The following VDAC1 variants were observed in gnomAD, a reference collection of about 807,000 sequenced individuals.
The protein encoded by VDAC1 is voltage dependent anion channel 1.
In VDAC1, 10 loss-of-function variants were observed where a neutral mutation model predicts 34.7. The observed-to-expected ratio is 0.29, with a 90% confidence interval of 0.18 to 0.49. VDAC1 has a LOEUF of 0.49. Among genes scored for constraint, VDAC1 ranks in the 20% least tolerant of loss-of-function variants. The probability of loss-of-function intolerance (pLI) is 0.99; values close to 1 mark genes in which losing one functional copy is unlikely to be tolerated. For synonymous variants in VDAC1, 130 were observed against 136.0 expected (o/e 0.96, Z 0.30); for missense variants, 230 against 347.9 (o/e 0.66, Z 2.69).
chr5:134,046,204 T>A, the VDAC1 span, among the ~76,000 whole-genome samples: 1 of 151,852 alleles, frequency 6.6e-6, no homozygotes, highest in Non-Finnish European at 1.5e-5. Flanking sequence ...TTTTTTTCTA[T>A]TTTTTAGTAG....
the VDAC1 span, among the ~76,000 whole-genome samples, chr5:134,026,359 C>T: frequency 2.2e-4 from 33 of 151,870 alleles, no homozygotes; most frequent in African/African-American, 8.0e-4. Context: ...ACTGAAAATA[C>T]AAAAAATTAG....
chr5:133,983,203 G>A (rs1272596999), intron 5 of VDAC1, among the ~76,000 whole-genome samples: 2 of 150,082 alleles, frequency 1.3e-5, no homozygotes, highest in Non-Finnish European at 2.9e-5. Context: ...AGCTGAGATC[G>A]CACCATTGCA....
At chr5:134,005,978 G>A (rs1306538758), upstream of VDAC1, among the ~76,000 whole-genome samples, 1 of 152,212 alleles carries the variant, frequency 6.6e-6, no homozygotes, top group Non-Finnish European at 1.5e-5. Context: ...TACGGAGGAG[G>A]CAATCAGGAC....
chr5:133,990,119 C>T (rs1230429063), intron 5 of VDAC1, among the ~76,000 whole-genome samples: 1 of 152,204 alleles, frequency 6.6e-6, no homozygotes, highest in African/African-American at 2.4e-5. Context: ...TTGAAAAGCA[C>T]CCAGGAATTG....
intron 2 of VDAC1, among the ~76,000 whole-genome samples, chr5:133,992,599 A>G (rs1453208143): frequency 6.6e-6 from 1 of 152,240 alleles, no homozygotes; most frequent in Non-Finnish European, 1.5e-5. Flanking sequence ...TGATAAGAAG[A>G]CACCTGACAG....
upstream of VDAC1, among the ~76,000 whole-genome samples, chr5:134,009,532 C>A (rs1753800736): frequency 6.6e-6 from 1 of 151,898 alleles, no homozygotes; most frequent in Non-Finnish European, 1.5e-5. Context: ...GCTGGGATTA[C>A]AGGTGTGAGC....
chr5:134,009,970 C>G (rs1243085602), upstream of VDAC1, among the ~76,000 whole-genome samples: 2 of 152,204 alleles, frequency 1.3e-5, no homozygotes, highest in African/African-American at 2.4e-5. Context: ...CATGAGCCAC[C>G]AGGCCCAGCC....
chr5:133,996,903 A>G (rs2127000365), intron 1 of VDAC1, among the ~76,000 whole-genome samples: 1 of 151,616 alleles, frequency 6.6e-6, no homozygotes, highest in Non-Finnish European at 1.5e-5. Flanking sequence ...AATGACCTCC[A>G]CTCCCTGCCT....
chr5:134,095,514 A>AATCAATCAATC, the VDAC1 span, among the ~76,000 whole-genome samples: 2 of 147,100 alleles, frequency 1.4e-5, no homozygotes, highest in African/African-American at 5.4e-5. Flanking sequence ...ATAAATAAAT[A>AATCAATCAATC]AATAAATAAA....
chr5:134,063,644 C>T, the VDAC1 span, among the ~76,000 whole-genome samples: 1 of 152,136 alleles, frequency 6.6e-6, no homozygotes, highest in African/African-American at 2.4e-5. Flanking sequence ...CCAGCACCAA[C>T]TGCTAGACAC....
At chr5:134,033,751 G>A in the VDAC1 span, among the ~76,000 whole-genome samples, 2 of 151,746 alleles carry the variant, frequency 1.3e-5, no homozygotes, top group African/African-American at 4.8e-5. Flanking sequence ...CCACCACTTT[G>A]GGAGGCCAAG....
the VDAC1 span, among the ~76,000 whole-genome samples, chr5:134,064,306 T>G: frequency 6.6e-6 from 1 of 152,006 alleles, no homozygotes; most frequent in African/African-American, 2.4e-5. Flanking sequence ...TTTTGTTTTT[T>G]GGGGTTTTTT....
At chr5:134,034,029 A>G in the VDAC1 span, among the ~76,000 whole-genome samples, 1 of 152,110 alleles carries the variant, frequency 6.6e-6, no homozygotes, top group Non-Finnish European at 1.5e-5. Flanking sequence ...ATTAGAAATA[A>G]ATAATAGAAC....
Position 133,999,869 on chromosome 5 carries a change from G to T in VDAC1, c.-7+5026C>A, listed in dbSNP as rs960410255. ...TGCCATCATCTTATGATTCTGCCAAGGAAGAGAGTACTATGGAAAAGTCTC... is the reference window on the plus strand; with the variant it reads ...TGCCATCATCTTATGATTCTGCCAATGAAGAGAGTACTATGGAAAAGTCTC... On this transcript the variant is annotated intron_variant, in intron 1 of 8. Transcript: ENST00000265333. Among the ~76,000 whole-genome samples, 4 of 152,180 alleles carry T rather than the reference G, an allele frequency of 2.6e-5. No individual in the cohort carries two copies. The South Asian group carries it at 6.2e-4, about 24-fold the overall frequency.
intron 1 of VDAC1, among the ~76,000 whole-genome samples, chr5:133,994,838 T>G (rs1456937453): frequency 1.3e-5 from 2 of 151,368 alleles, no homozygotes; most frequent in Non-Finnish European, 2.9e-5. Context: ...TCAGCCGGGG[T>G]GGGGGCTGGG....
At chr5:134,094,343 G>A in the VDAC1 span, among the ~76,000 whole-genome samples, 3 of 152,180 alleles carry the variant, frequency 2.0e-5, no homozygotes, top group South Asian at 2.1e-4. Flanking sequence ...CCCAGGTAGC[G>A]GAACGACGAC....
chr5:133,976,660 A>C (rs4958202), intron 6 of VDAC1, among the ~76,000 whole-genome samples: 31,524 of 151,844 alleles, frequency 0.21, 3,531 homozygotes, highest in East Asian at 0.45. Flanking sequence ...AAAAAAAAAA[A>C]AAGAAGCAGC....
At chr5:134,084,099 A>G in the VDAC1 span, among the ~76,000 whole-genome samples, 6 of 152,232 alleles carry the variant, frequency 3.9e-5, no homozygotes, top group Admixed American at 2.0e-4. Flanking sequence ...AGATGATTAA[A>G]TAAGAAAATG....
chr5:134,104,079 G>T, the VDAC1 span, among the ~76,000 whole-genome samples: 2 of 152,284 alleles, frequency 1.3e-5, no homozygotes, highest in South Asian at 4.1e-4. Context: ...ACCATGATGG[G>T]CAAGTTACGT....
Sources: gnomAD v4.1 joint callset for allele counts (sites outside exome capture counted in the v4.1 genomes callset) on GRCh38, gnomAD v4.1.1 for gene constraint, MANE v1.5 for transcripts, NCBI Gene and HGNC (gene_info 2026-07-23, HGNC 2026-07-21) for gene names.